The following MFSD11 variants were observed in gnomAD, a reference collection of about 807,000 sequenced individuals.
The protein encoded by MFSD11 is major facilitator superfamily domain containing 11, also known as UNC93-like protein MFSD11.
Under a neutral mutation model 53.5 loss-of-function variants are expected in MFSD11, and 36 were observed. That is an observed-to-expected ratio of 0.67 (90% CI 0.52 to 0.89). The LOEUF (loss-of-function observed/expected upper bound fraction) is 0.89. Among genes scored for constraint, MFSD11 ranks in the 40% least tolerant of loss-of-function variants. The pLI is 0.00. For synonymous variants in MFSD11, 186 were observed against 184.9 expected, an observed-to-expected ratio of 1.01 and a Z score of -0.05; for missense variants, 530 against 543.9, an observed-to-expected ratio of 0.97 and a Z score of 0.25.
At chr17:76,743,587 A>G in intron 6 of MFSD11, 131 bp downstream of exon 6, 1 of 505,366 alleles carries the variant, frequency 2.0e-6, no homozygotes, top group Non-Finnish European at 3.5e-6. Flanking sequence ...CGCAGATTTT[A>G]GCTTTTAGTA....
chr17:76,764,638 T>C (rs1465434377), intron 8 of MFSD11, among the ~76,000 whole-genome samples: 2 of 152,190 alleles, frequency 1.3e-5, no homozygotes, highest in East Asian at 3.8e-4. Flanking sequence ...TCTTTATTCA[T>C]CCGTTTAAGG....
At chr17:76,783,291 T>TTG (rs2082217547), downstream of MFSD11, among the ~76,000 whole-genome samples, 2 of 152,120 alleles carry the variant, frequency 1.3e-5, no homozygotes, top group Non-Finnish European at 2.9e-5. Context: ...GGGTGTTTGT[T>TTG]TGTGTGTGTG....
At chr17:76,756,855 A>ACG (rs2079692028) in intron 8 of MFSD11, among the ~76,000 whole-genome samples, 4 of 150,142 alleles carry the variant, frequency 2.7e-5, no homozygotes, top group Non-Finnish European at 5.9e-5. Context: ...GTGAGACTCC[A>ACG]TCTCAGAAAA....
chr17:76,793,729 A>ATT, the MFSD11 span, among the ~76,000 whole-genome samples: 4 of 151,724 alleles, frequency 2.6e-5, no homozygotes, highest in African/African-American at 9.8e-5. Context: ...GGCATAAGAA[A>ATT]TTATAAAAGT....
At chr17:76,763,908 G>C (rs1393397194) in intron 8 of MFSD11, among the ~76,000 whole-genome samples, 1 of 151,756 alleles carries the variant, frequency 6.6e-6, no homozygotes, top group Non-Finnish European at 1.5e-5. Flanking sequence ...TGTCACCCAG[G>C]CTGGAGTACA....
rs117263486 is a variant in MFSD11 at position 76,747,116 on chromosome 17, A to T, written c.641+2650A>T. Among the ~76,000 whole-genome samples, 282 of 152,270 alleles carry T rather than the reference A, an allele frequency of 1.9e-3. 7 individuals are homozygous for T. The East Asian group carries it at 0.047, about 25-fold the overall frequency. On this transcript the variant is annotated intron_variant, in intron 7 of 12. Transcript: ENST00000685175. ...TCTTATTATTTAAGAAATACATTTC[A>T]TGAGGATATAGCTGCCATAGATAAT...
rs371532492 is a variant in MFSD11 at position 76,778,152 on chromosome 17, G to A, written c.1186-36G>A. On this transcript the variant is annotated intron_variant, in intron 12 of 12. Transcript: ENST00000685175. ...CTAACTGTGGCTCAGTGTGGCCCCC[G>A]GTGCGCCCGTTGTGATTTGTTTTGT... The A allele has an allele frequency of 3.6e-5, 58 of 1,612,134 alleles. No individual in the cohort carries two copies. In the African/African-American group the frequency reaches 3.6e-4, roughly 10 times the overall value.
intron 5 of MFSD11, among the ~76,000 whole-genome samples, chr17:76,742,751 G>C (rs956797582): frequency 6.6e-6 from 1 of 152,022 alleles, no homozygotes; most frequent in Non-Finnish European, 1.5e-5. Flanking sequence ...TGATCCGCCC[G>C]CCTTGGGCTC....
intron 8 of MFSD11, among the ~76,000 whole-genome samples, chr17:76,758,047 G>A (rs977129018): frequency 6.6e-6 from 1 of 151,882 alleles, no homozygotes; most frequent in African/African-American, 2.4e-5. Flanking sequence ...GAAGGCAAGA[G>A]ACTTATCCTA....
At chr17:76,751,165 C>T (rs1456152840) in intron 7 of MFSD11, among the ~76,000 whole-genome samples, 7 of 150,314 alleles carry the variant, frequency 4.7e-5, no homozygotes, top group South Asian at 2.1e-4. Context: ...CCGAGGCGGG[C>T]GGGTCACGAG....
At chr17:76,749,595 TAAA>T (rs1289166352) in intron 7 of MFSD11, among the ~76,000 whole-genome samples, 1 of 148,680 alleles carries the variant, frequency 6.7e-6, no homozygotes, top group Non-Finnish European at 1.5e-5. Flanking sequence ...GTTCTTGAAA[TAAA>T]AAAATAAAGC....
At chr17:76,750,654 C>T (rs1277801968) in intron 7 of MFSD11, among the ~76,000 whole-genome samples, 1 of 151,746 alleles carries the variant, frequency 6.6e-6, no homozygotes, top group East Asian at 1.9e-4. Context: ...CCGCGCCTGG[C>T]CGAGCTTTAG....
chr17:76,784,487 C>T (rs767613796), downstream of MFSD11, among the ~76,000 whole-genome samples: 1 of 151,888 alleles, frequency 6.6e-6, no homozygotes, highest in African/African-American at 2.4e-5. Flanking sequence ...GAGCTGAGAT[C>T]GTGCCACTGC....
chr17:76,745,961 C>T (rs957956869), intron 7 of MFSD11, among the ~76,000 whole-genome samples: 16 of 152,086 alleles, frequency 1.1e-4, no homozygotes, highest in African/African-American at 3.6e-4. Flanking sequence ...ACCACCACAC[C>T]CGGCTAATGA....
chr17:76,785,069 A>G (rs571474445), downstream of MFSD11, among the ~76,000 whole-genome samples: 5 of 152,352 alleles, frequency 3.3e-5, no homozygotes, highest in East Asian at 9.6e-4. Context: ...CAGTGGGAAA[A>G]TAAATCTTCA....
chr17:76,744,617 C>T lies in MFSD11; in HGVS notation c.641+151C>T, dbSNP rs575187494. On this transcript the variant is annotated intron_variant, in intron 7 of 12. Transcript: ENST00000685175. ...AAGGAAGAAAATAAAGGAGGAGCTG[C>T]GAGGGAGGAAGAAAAAAAAGGTCAC... The T allele has an allele frequency of 1.1e-3, 782 of 687,128 alleles. 3 individuals are homozygous for T. Among genetic ancestry groups the T allele is most frequent in the Non-Finnish European group, 1.4e-3 (602 of 445,334 alleles). 42.6% of individuals were successfully genotyped at this position (687,128 alleles called of 1,614,324 possible).
At chr17:76,769,993 A>G in intron 10 of MFSD11, 122 bp downstream of exon 10, 1 of 875,456 alleles carries the variant, frequency 1.1e-6, no homozygotes, top group Non-Finnish European at 1.7e-6. Flanking sequence ...TTTTACCCAA[A>G]CGTGTGTTTT....
At chr17:76,774,392 C>T (rs1438631285) in intron 10 of MFSD11, among the ~76,000 whole-genome samples, 1 of 152,164 alleles carries the variant, frequency 6.6e-6, no homozygotes, top group Non-Finnish European at 1.5e-5. Flanking sequence ...CCCAGCCATC[C>T]TTCACTTTTG....
intron 7 of MFSD11, among the ~76,000 whole-genome samples, chr17:76,746,239 T>C (rs976451556): frequency 2.6e-5 from 4 of 152,212 alleles, no homozygotes; most frequent in African/African-American, 9.6e-5. Flanking sequence ...AGTCCCTCTC[T>C]TCAATTCTGT....
Sources: allele counts gnomAD v4.1 joint callset (sites outside exome capture counted in the v4.1 genomes callset), GRCh38; gene constraint gnomAD v4.1.1; transcripts MANE v1.5; gene names NCBI Gene and HGNC (gene_info 2026-07-23, HGNC 2026-07-21).